SNTG1: variants seen among roughly 807,000 people sequenced by gnomAD.
SNTG1 encodes syntrophin gamma 1.
In SNTG1, 39 loss-of-function variants were observed where a neutral mutation model predicts 74.7. The observed-to-expected ratio is 0.52, with a 90% CI of 0.40 to 0.68. The LOEUF is 0.68. Ranked by LOEUF, SNTG1 falls within the 30% of genes least tolerant of loss-of-function variation. The pLI, the probability that SNTG1 is intolerant of heterozygous loss-of-function variation, is 0.00. For missense variants in SNTG1, 685 were observed against 609.5 expected (o/e 1.12, Z -1.30); for synonymous variants, 254 against 217.1 (o/e 1.17, Z -1.49).
At chr8:50,534,957 T>C (rs1393386812) in intron 10 of SNTG1, among the ~76,000 whole-genome samples, 2 of 152,136 alleles carry the variant, frequency 1.3e-5, no homozygotes, top group East Asian at 3.9e-4. Context: ...AAGTTCCATG[T>C]TTAGAAATAA....
intron 5 of SNTG1, among the ~76,000 whole-genome samples, chr8:50,442,337 T>G (rs2093364946): frequency 6.6e-6 from 1 of 152,034 alleles, no homozygotes; most frequent in Non-Finnish European, 1.5e-5. Context: ...TGACACACAT[T>G]TGCACCGGTC....
chr8:50,346,894 G>A (rs1563925306), intron 2 of SNTG1, among the ~76,000 whole-genome samples: 1 of 152,242 alleles, frequency 6.6e-6, no homozygotes, highest in East Asian at 1.9e-4. Context: ...AGCTGCAGAA[G>A]AGAAGGTTGA....
chr8:50,772,052 G>A (rs2095628539), intron 18 of SNTG1, among the ~76,000 whole-genome samples: 1 of 152,088 alleles, frequency 6.6e-6, no homozygotes, highest in Admixed American at 6.6e-5. Context: ...ATAGGGCAAT[G>A]CTGAGTGGAA....
chr8:50,670,034 A>T (rs935168131), intron 15 of SNTG1, among the ~76,000 whole-genome samples: 7 of 152,174 alleles, frequency 4.6e-5, no homozygotes, highest in Non-Finnish European at 1.0e-4. Flanking sequence ...TATTGATGGG[A>T]TGTATCTCAA....
chr8:50,565,893 A>G (rs1461156414), intron 12 of SNTG1, among the ~76,000 whole-genome samples: 1 of 151,938 alleles, frequency 6.6e-6, no homozygotes, highest in East Asian at 1.9e-4. Context: ...GGGAAAATAT[A>G]TTTTACGCAG....
intron 1 of SNTG1, among the ~76,000 whole-genome samples, chr8:49,972,569 G>A (rs561095636): frequency 4.2e-4 from 64 of 152,032 alleles, no homozygotes; most frequent in African/African-American, 1.4e-3. Context: ...TACCATCAGA[G>A]TGAACAGGCA....
chr8:50,382,706 A>C (rs1188639110), intron 2 of SNTG1, among the ~76,000 whole-genome samples: 1 of 152,226 alleles, frequency 6.6e-6, no homozygotes, highest in Non-Finnish European at 1.5e-5. Context: ...TACACAATAA[A>C]ACAATAAAAT....
intron 13 of SNTG1, among the ~76,000 whole-genome samples, chr8:50,619,747 AAAAG>A (rs576650976): frequency 8.0e-4 from 121 of 151,570 alleles, no homozygotes; most frequent in Admixed American, 2.4e-3. Flanking sequence ...AAAAAAAAAA[AAAAG>A]AAAGATACAT....
intron 5 of SNTG1, among the ~76,000 whole-genome samples, chr8:50,442,094 C>T (rs2131585181): frequency 6.6e-6 from 1 of 152,330 alleles, no homozygotes; most frequent in South Asian, 2.1e-4. Flanking sequence ...GTGCCACACA[C>T]AGGCTGACAC....
chr8:50,522,760 G>A (rs956309730), intron 9 of SNTG1, among the ~76,000 whole-genome samples: 5 of 152,058 alleles, frequency 3.3e-5, no homozygotes, highest in African/African-American at 1.2e-4. Flanking sequence ...TGTATTTTTA[G>A]TAGAGATGGG....
intron 1 of SNTG1, among the ~76,000 whole-genome samples, chr8:49,920,657 G>T (rs963326235): frequency 6.6e-6 from 1 of 152,008 alleles, no homozygotes; most frequent in Non-Finnish European, 1.5e-5. Flanking sequence ...AATCTTGAAG[G>T]GTTCATGTGT....
At chr8:50,329,892 A>G (rs1182060428) in intron 2 of SNTG1, among the ~76,000 whole-genome samples, 2 of 152,088 alleles carry the variant, frequency 1.3e-5, no homozygotes, top group African/African-American at 4.8e-5. Flanking sequence ...ATAAGTTCCA[A>G]TTTCAGATCA....
At chr8:50,650,857 T>A (rs941067555) in intron 13 of SNTG1, among the ~76,000 whole-genome samples, 3 of 151,926 alleles carry the variant, frequency 2.0e-5, no homozygotes, top group African/African-American at 7.3e-5. Context: ...TCTGCCACCA[T>A]GCCTGGTTAA....
intron 2 of SNTG1, among the ~76,000 whole-genome samples, chr8:50,327,386 G>A (rs1412923751): frequency 6.6e-6 from 1 of 152,004 alleles, no homozygotes; most frequent in Non-Finnish European, 1.5e-5. Context: ...AATCTTTTTA[G>A]AGAGCTAATC....
chr8:50,328,427 G>T (rs574652902), intron 2 of SNTG1, among the ~76,000 whole-genome samples: 2 of 152,170 alleles, frequency 1.3e-5, no homozygotes. Flanking sequence ...AAGGATAAAG[G>T]TTTAATTGAC....
chr8:50,363,014 G>A (rs1387298764), intron 2 of SNTG1, among the ~76,000 whole-genome samples: 1 of 151,996 alleles, frequency 6.6e-6, no homozygotes, highest in Non-Finnish European at 1.5e-5. Context: ...CCTTTCTTTA[G>A]CCCTATCAGG....
chr8:50,292,627 GAGA>G (rs2089171504), intron 2 of SNTG1, among the ~76,000 whole-genome samples: 1 of 152,106 alleles, frequency 6.6e-6, no homozygotes, highest in Non-Finnish European at 1.5e-5. Context: ...GAAAGACAAT[GAGA>G]AGATGTGGGT....
At chr8:50,533,919 T>G (rs1436976729) in intron 10 of SNTG1, among the ~76,000 whole-genome samples, 1 of 152,196 alleles carries the variant, frequency 6.6e-6, no homozygotes, top group Admixed American at 6.5e-5. Context: ...TATTGGTGAT[T>G]AGTCAGTCCT....
intron 1 of SNTG1, among the ~76,000 whole-genome samples, chr8:50,144,644 A>C (rs1214058596): frequency 6.6e-6 from 1 of 152,154 alleles, no homozygotes. Flanking sequence ...ATGGGGATGG[A>C]GTGAATCATA....
Sources: gnomAD v4.1 joint callset for allele counts (sites outside exome capture counted in the v4.1 genomes callset) on GRCh38, gnomAD v4.1.1 for gene constraint, MANE v1.5 for transcripts, NCBI Gene and HGNC (gene_info 2026-07-23, HGNC 2026-07-21) for gene names.